Variants in ME1 observed in about 807,000 individuals in gnomAD.
ME1 encodes the protein NADP-dependent malic enzyme.
A neutral mutation model predicts 66.4 loss-of-function variants in ME1; 74 were observed. The ratio of observed to expected loss-of-function variants is 1.11; its 90% CI spans 0.92 to 1.35. The LOEUF (loss-of-function observed/expected upper bound fraction) is 1.35, where lower values mean the gene tolerates loss of function less well. Among genes scored for constraint, ME1 ranks in the 40% most tolerant of loss-of-function variants. ME1 has a pLI of 0.00. For missense variants in ME1, 750 were observed against 694.1 expected, an observed-to-expected ratio of 1.08 and a Z score of -0.90; for synonymous variants, 251 against 235.6, an observed-to-expected ratio of 1.07 and a Z score of -0.60.
intron 3 of ME1, among the ~76,000 whole-genome samples, chr6:83,376,804 C>CAAAAAAAAAAAAAAAAAAAAAAAAAAAAA (rs70987750): frequency 2.0e-4 from 17 of 87,092 alleles, no homozygotes; most frequent in African/African-American, 5.5e-4. Flanking sequence ...CCCTGTCTCA[C>CAAAAAAAAAAAAAAAAAAAAAAAAAAAAA]AAAAAAAAAA....
chr6:83,264,296 TA>T (rs1004115746), intron 6 of ME1, among the ~76,000 whole-genome samples: 3 of 152,188 alleles, frequency 2.0e-5, no homozygotes, highest in Non-Finnish European at 4.4e-5. Flanking sequence ...TATTGCTGCT[TA>T]TTGGCAATGC....
intron 6 of ME1, among the ~76,000 whole-genome samples, chr6:83,256,302 A>C (rs1404044125): frequency 6.6e-6 from 1 of 152,246 alleles, no homozygotes; most frequent in Admixed American, 6.5e-5. Context: ...CAGATTTTAA[A>C]AAATTATTTA....
chr6:83,237,103 T>C (rs1790413833), intron 9 of ME1, among the ~76,000 whole-genome samples: 1 of 150,408 alleles, frequency 6.6e-6, no homozygotes, highest in East Asian at 2.0e-4. Context: ...TAAGGTGGGA[T>C]AGGGATCACT....
At chr6:83,261,986 C>T (rs1013637879) in intron 6 of ME1, among the ~76,000 whole-genome samples, 1 of 147,036 alleles carries the variant, frequency 6.8e-6, no homozygotes, top group African/African-American at 2.5e-5. Flanking sequence ...CGCACTCCAG[C>T]CTGGGCAACA....
chr6:83,315,758 G>A (rs1173852113), intron 5 of ME1, among the ~76,000 whole-genome samples: 1 of 152,084 alleles, frequency 6.6e-6, no homozygotes, highest in African/African-American at 2.4e-5. Flanking sequence ...TTAGCTGGGT[G>A]TGGTGGTGTG....
rs1018819786 is a variant in ME1, at chr6:83,233,235, T to C, written c.1027-4304A>G. ...TTTATTCTTACTTTAATTTTTGTTT[T>C]GGAAGGTTTTTTAAAACTAAGTATT... On this transcript the variant is annotated intron_variant, in intron 9 of 13. Transcript: ENST00000369705. Among the ~76,000 whole-genome samples the C allele has an allele frequency of 2.6e-5, 4 of 152,106 alleles. No individual in the cohort carries two copies. In the South Asian group the frequency reaches 6.2e-4, roughly 24 times the overall value.
chr6:83,388,381 T>C (rs368924831), intron 3 of ME1, among the ~76,000 whole-genome samples: 2 of 152,290 alleles, frequency 1.3e-5, no homozygotes, highest in East Asian at 3.9e-4. Context: ...CCACCACATC[T>C]GGCCCCCCAA....
intron 12 of ME1, among the ~76,000 whole-genome samples, chr6:83,219,699 G>A (rs573410968): frequency 5.3e-5 from 8 of 151,634 alleles, no homozygotes; most frequent in African/African-American, 1.5e-4. Flanking sequence ...TCAGACTCCC[G>A]AGTAGCTGAG....
chr6:83,340,034 G>T (rs1027277279), intron 5 of ME1, among the ~76,000 whole-genome samples: 2 of 151,318 alleles, frequency 1.3e-5, no homozygotes, highest in Non-Finnish European at 2.9e-5. Flanking sequence ...TAGCAGAATA[G>T]AATATTGTTG....
At chr6:83,392,942 C>A in intron 3 of ME1, 1 of 826,722 alleles carries the variant, frequency 1.2e-6, no homozygotes. Context: ...GACTCATGAC[C>A]ATCGCTGCCA....
intron 2 of ME1, among the ~76,000 whole-genome samples, chr6:83,404,349 T>C (rs1333591422): frequency 6.6e-6 from 1 of 152,112 alleles, no homozygotes; most frequent in Admixed American, 6.6e-5. Context: ...TTTGATGGAG[T>C]TGTTTTTTTC....
chr6:83,424,308 G>T (rs1770328301), intron 1 of ME1, among the ~76,000 whole-genome samples: 1 of 152,014 alleles, frequency 6.6e-6, no homozygotes, highest in South Asian at 2.1e-4. Context: ...TTCGGTATGT[G>T]TATCATAATC....
At chr6:83,382,607 C>T (rs1042753447) in intron 3 of ME1, among the ~76,000 whole-genome samples, 15 of 152,030 alleles carry the variant, frequency 9.9e-5, no homozygotes, top group African/African-American at 2.9e-4. Flanking sequence ...AAACTCTTCA[C>T]AAGTAAACAC....
intron 1 of ME1, among the ~76,000 whole-genome samples, chr6:83,429,101 A>G (rs189085043): frequency 5.7e-4 from 87 of 152,208 alleles, no homozygotes; most frequent in Non-Finnish European, 6.8e-4. Context: ...GTCTGTACTA[A>G]AAGTACAAAA....
intron 6 of ME1, among the ~76,000 whole-genome samples, chr6:83,309,267 A>G (rs1371336892): frequency 6.6e-6 from 1 of 152,180 alleles, no homozygotes; most frequent in African/African-American, 2.4e-5. Context: ...TTTCAGGCTA[A>G]AGGGCAATAA....
At chr6:83,257,551 G>C (rs896521513) in intron 6 of ME1, among the ~76,000 whole-genome samples, 22 of 152,086 alleles carry the variant, frequency 1.4e-4, no homozygotes, top group African/African-American at 5.3e-4. Flanking sequence ...AATGGGATGG[G>C]GGGTCAATTC....
chr6:83,403,810 T>C (rs1428363772), intron 2 of ME1, among the ~76,000 whole-genome samples: 1 of 152,186 alleles, frequency 6.6e-6, no homozygotes, highest in East Asian at 1.9e-4. Context: ...CTTATCGATG[T>C]CCCTGCAAAG....
chr6:83,223,220 C>T lies in ME1; in HGVS notation c.1449+540G>A, dbSNP rs540167710. 3.9e-5 allele frequency among the ~76,000 whole-genome samples: 6 copies of T among 152,322 alleles called. No homozygotes were observed. The South Asian group carries it at 6.2e-4, about 16-fold the overall frequency. On this transcript the variant is annotated intron_variant, in intron 12 of 13. Transcript: ENST00000369705. ...CCAGGATGCAGTGCAGTAGTGCAAT[C>T]GCAGCTCACTGCAACCTCTGCCTCC...
intron 3 of ME1, among the ~76,000 whole-genome samples, chr6:83,353,815 G>T (rs957212786): frequency 2.0e-5 from 3 of 152,064 alleles, no homozygotes; most frequent in African/African-American, 7.2e-5. Flanking sequence ...GTTCTGCCCA[G>T]ACCTAAAATG....
Sources: allele counts gnomAD v4.1 joint callset (sites outside exome capture counted in the v4.1 genomes callset), GRCh38; gene constraint gnomAD v4.1.1; transcripts MANE v1.5; gene names NCBI Gene and HGNC (gene_info 2026-07-23, HGNC 2026-07-21).